The following TMEM33 variants were observed in gnomAD, a reference collection of about 807,000 sequenced individuals.
TMEM33 encodes the protein transmembrane protein 33.
A neutral mutation model predicts 29.7 loss-of-function variants in TMEM33; 16 were observed. The ratio of observed to expected loss-of-function variants is 0.54; its 90% CI spans 0.36 to 0.82. The LOEUF (loss-of-function observed/expected upper bound fraction) is 0.82. Ranked by LOEUF, TMEM33 falls within the 40% of genes least tolerant of loss-of-function variation. TMEM33 has a pLI of 0.00. For synonymous variants in TMEM33, 112 were observed against 109.4 expected, an observed-to-expected ratio of 1.02 and a Z score of -0.15; for missense variants, 252 against 295.3, an observed-to-expected ratio of 0.85 and a Z score of 1.08.
intron 1 of TMEM33, among the ~76,000 whole-genome samples, chr4:41,938,000 G>A (rs1577646593): frequency 6.6e-6 from 1 of 152,162 alleles, no homozygotes; most frequent in South Asian, 2.1e-4. Context: ...GCCACATTTT[G>A]AGCACCTAGA....
intron 3 of TMEM33, chr4:41,939,726 A>G: frequency 2.2e-6 from 1 of 460,158 alleles, no homozygotes; most frequent in Non-Finnish European, 4.4e-6. Context: ...CAAAGTGTCC[A>G]GATGTCTTGC....
At chr4:41,946,640 G>A (rs186290332) in intron 5 of TMEM33, among the ~76,000 whole-genome samples, 99 of 152,196 alleles carry the variant, frequency 6.5e-4, no homozygotes, top group Non-Finnish European at 1.2e-3. Flanking sequence ...TTTAATAAAA[G>A]CATCCTCTTA....
At chr4:41,948,659 A>G (rs191930685) in intron 5 of TMEM33, among the ~76,000 whole-genome samples, 3 of 152,266 alleles carry the variant, frequency 2.0e-5, no homozygotes, top group East Asian at 1.9e-4. Context: ...TATTAAATCC[A>G]TTAAATAACC....
chr4:41,951,333 T>C (rs551305155), intron 6 of TMEM33, among the ~76,000 whole-genome samples: 2 of 152,306 alleles, frequency 1.3e-5, no homozygotes, highest in South Asian at 2.1e-4. Context: ...AGCACACATA[T>C]GCAAAAATTT....
At chr4:41,943,984 G>A (rs1451828938) in intron 4 of TMEM33, 170 bp downstream of exon 4, 9 of 586,230 alleles carry the variant, frequency 1.5e-5, no homozygotes, top group Non-Finnish European at 2.3e-5. Flanking sequence ...TATTGTTGAA[G>A]TTTCACAAAC....
intron 1 of TMEM33, among the ~76,000 whole-genome samples, chr4:41,936,122 T>G (rs899831250): frequency 2.6e-5 from 4 of 152,232 alleles, no homozygotes; most frequent in Non-Finnish European, 4.4e-5. Flanking sequence ...TAGTTAAGTA[T>G]TATTCTGTGT....
intron 6 of TMEM33, among the ~76,000 whole-genome samples, chr4:41,950,073 G>T (rs1408906202): frequency 6.6e-6 from 1 of 152,052 alleles, no homozygotes; most frequent in East Asian, 1.9e-4. Flanking sequence ...TATCTTTTAG[G>T]TGAATGGGAA....
intron 3 of TMEM33, 111 bp downstream of exon 3, chr4:41,939,494 C>A: frequency 8.8e-7 from 1 of 1,142,556 alleles, no homozygotes; most frequent in Non-Finnish European, 1.3e-6. Context: ...TTGTTCTCGG[C>A]ACTTCATTTG....
rs374153513 is a variant in TMEM33, at chr4:41,943,856, C to G, written c.396+42C>G. The G allele has an allele frequency of 1.2e-5, 19 of 1,568,970 alleles. No homozygotes were observed. The African/African-American group carries it at 1.8e-4, about 15-fold the overall frequency. On this transcript the variant is annotated intron_variant, in intron 4 of 6. Transcript: ENST00000504986. ...TTTGTCTGACTTCTGAATTACAGATCATTGACATGAATTTGAGTTCTAAGA... is the reference window on the plus strand; with the variant it reads ...TTTGTCTGACTTCTGAATTACAGATGATTGACATGAATTTGAGTTCTAAGA...
chr4:41,937,696 C>G (rs1486721182), intron 1 of TMEM33, among the ~76,000 whole-genome samples: 1 of 152,006 alleles, frequency 6.6e-6, no homozygotes, highest in Non-Finnish European at 1.5e-5. Context: ...GTATATGGAT[C>G]TCAATGTTAA....
At chr4:41,936,305 C>A (rs747572024) in intron 1 of TMEM33, among the ~76,000 whole-genome samples, 16 of 152,220 alleles carry the variant, frequency 1.1e-4, no homozygotes, top group Non-Finnish European at 2.1e-4. Flanking sequence ...CTTTGGGAGT[C>A]CAAGGCGGGA....
In TMEM33 at chr4:41,938,703, A is replaced by G. The variant is rs1712370566; in HGVS notation, c.140+7A>G. The G allele has an allele frequency of 1.9e-6, 3 of 1,613,446 alleles. No homozygotes were observed. In the Admixed American group the frequency reaches 5.0e-5, roughly 27 times the overall value. On this transcript the variant is annotated splice_region_variant and intron_variant, in intron 2 of 6. Transcript: ENST00000504986. ...TTGTTCTGCCTCTTCTTGGGTATGT[A>G]TTATACATATTGCTGCCTTTGATAT...
chr4:41,940,046 CTTTTTTTTTTTTTTTT>C (rs71650953), intron 3 of TMEM33, among the ~76,000 whole-genome samples: 1 of 81,366 alleles, frequency 1.2e-5, no homozygotes, highest in Non-Finnish European at 2.2e-5. Context: ...GTTAAACTTT[CTTTTTTTTTTTTTTTT>C]TTTTTTTTGA....
At chr4:41,945,076 CATTT>C in intron 5 of TMEM33, 150 bp downstream of exon 5, 1 of 921,164 alleles carries the variant, frequency 1.1e-6, no homozygotes, top group Non-Finnish European at 1.6e-6. Context: ...TAACCTTTGT[CATTT>C]ATAGTAGAGA....
chr4:41,945,021 G>A (rs1229801669), intron 5 of TMEM33, 95 bp downstream of exon 5: 1 of 1,472,884 alleles, frequency 6.8e-7, no homozygotes, highest in Non-Finnish European at 9.1e-7. Flanking sequence ...GTTGAAGGTA[G>A]GTATTGACAT....
intron 6 of TMEM33, chr4:41,953,805 A>G (rs1226470171): frequency 2.0e-6 from 1 of 492,672 alleles, no homozygotes; most frequent in African/African-American, 1.9e-5. Flanking sequence ...CAAAGAGATC[A>G]CCGTAACAGA....
chr4:41,935,884 C>T (rs1435277994), intron 1 of TMEM33, among the ~76,000 whole-genome samples: 11 of 152,224 alleles, frequency 7.2e-5, no homozygotes, highest in Non-Finnish European at 8.8e-5. Flanking sequence ...CCATGACACA[C>T]ACCACGTGGA....
chr4:41,939,316 T>C lies in TMEM33; in HGVS notation c.261T>C (p.Ala87=). ...FQLSRAFLAQ[A]LLEDSCHYLL... ...TAAGCAGAGCATTCCTGGCCCAGGCTTTGTTAGAGGACAGCTGCCACTACC... is the reference window on the plus strand; with the variant it reads ...TAAGCAGAGCATTCCTGGCCCAGGCCTTGTTAGAGGACAGCTGCCACTACC... Residue 87 remains alanine, a synonymous_variant, in exon 3 of 7, where the codon GCT becomes GCC. Transcript: ENST00000504986. 6.2e-7 allele frequency: 1 copy of C among 1,613,952 alleles called. No individual in the cohort carries two copies. Among genetic ancestry groups the C allele is most frequent in the Non-Finnish European group, 8.5e-7 (1 of 1,179,968 alleles).
At chr4:41,952,386 G>A (rs1191825391) in intron 6 of TMEM33, among the ~76,000 whole-genome samples, 2 of 152,174 alleles carry the variant, frequency 1.3e-5, no homozygotes, top group Non-Finnish European at 2.9e-5. Context: ...AATAGTAGTT[G>A]CATCTTTATA....
Sources: gnomAD v4.1 joint callset for allele counts (sites outside exome capture counted in the v4.1 genomes callset) on GRCh38, gnomAD v4.1.1 for gene constraint, MANE v1.5 for transcripts, NCBI Gene and HGNC (gene_info 2026-07-23, HGNC 2026-07-21) for gene names.